The following TCF7L1 variants were observed in gnomAD, a reference collection of about 807,000 sequenced individuals.
The protein encoded by TCF7L1 is transcription factor 7 like 1, also known as transcription factor 7-like 1.
TCF7L1 carries 18 observed loss-of-function variants against 63.7 expected under a neutral mutation model. The ratio of observed to expected loss-of-function variants is 0.28; its 90% CI spans 0.20 to 0.42. The LOEUF is 0.42. Among genes scored for constraint, TCF7L1 ranks in the 10% least tolerant of loss-of-function variants. The probability of loss-of-function intolerance (pLI) is 1.00; values close to 1 mark genes in which losing one functional copy is unlikely to be tolerated. For synonymous variants in TCF7L1, 355 were observed against 340.9 expected (o/e 1.04, Z -0.46); for missense variants, 654 against 779.3 (o/e 0.84, Z 1.91).
intron 3 of TCF7L1, among the ~76,000 whole-genome samples, chr2:85,218,444 T>C (rs1464775386): frequency 6.6e-6 from 1 of 151,928 alleles, no homozygotes; most frequent in East Asian, 1.9e-4. Flanking sequence ...TTTGAAGAGA[T>C]GGGGTTTCAC....
At chr2:85,299,192 A>T (rs1681903656) in intron 4 of TCF7L1, among the ~76,000 whole-genome samples, 1 of 151,938 alleles carries the variant, frequency 6.6e-6, no homozygotes, top group Non-Finnish European at 1.5e-5. Context: ...AGCAATCAGG[A>T]TTTGCTAATA....
At chr2:85,299,050 C>T in intron 4 of TCF7L1, among the ~76,000 whole-genome samples, 1 of 142,026 alleles carries the variant, frequency 7.0e-6, no homozygotes, top group Non-Finnish European at 1.6e-5. Context: ...TAGGTTGGTG[C>T]AAAAGTAATT....
At chr2:85,205,814 C>T (rs573177750) in intron 3 of TCF7L1, among the ~76,000 whole-genome samples, 3 of 152,326 alleles carry the variant, frequency 2.0e-5, no homozygotes, top group African/African-American at 7.2e-5. Flanking sequence ...AGCCGCTGCA[C>T]CCAGCCTCCA....
intron 3 of TCF7L1, among the ~76,000 whole-genome samples, chr2:85,254,722 G>A (rs559506697): frequency 1.3e-5 from 2 of 152,170 alleles, no homozygotes; most frequent in South Asian, 2.1e-4. Context: ...AAATAGCCTC[G>A]CCAATCTGCA....
chr2:85,217,466 A>C (rs1025334093), intron 3 of TCF7L1, among the ~76,000 whole-genome samples: 2 of 152,232 alleles, frequency 1.3e-5, no homozygotes, highest in African/African-American at 4.8e-5. Flanking sequence ...CTCATGTCGC[A>C]GCATAGGGTG....
rs1211524659 is a variant in TCF7L1 at position 85,133,505 on chromosome 2, G to A, written c.-180G>A. 6.6e-6 allele frequency: 1 copy of A among 152,054 alleles called. No individual in the cohort carries two copies. The highest frequency in any genetic ancestry group is 6.7e-5 in the Admixed American group (1 of 15,026). 9.4% of individuals were successfully genotyped at this position (152,054 alleles called of 1,614,324 possible). On this transcript the variant is annotated 5_prime_UTR_variant, in exon 1 of 12. Transcript: ENST00000282111. The surrounding 1 kb of genome is among the most constrained non-coding windows in gnomAD (Gnocchi z 4.4). Reference sequence around the variant, plus strand: ...CTGCCGGAGGGGCCCGAGCCGAGCCGCCTGCGCCCCGGCCGGGCAGCGCCG... The same window carrying A: ...CTGCCGGAGGGGCCCGAGCCGAGCCACCTGCGCCCCGGCCGGGCAGCGCCG...
intron 3 of TCF7L1, among the ~76,000 whole-genome samples, chr2:85,258,792 G>A (rs11674662): frequency 0.42 from 63,452 of 152,074 alleles, 14,166 homozygotes; most frequent in Non-Finnish European, 0.52. Context: ...CCCAGTGGGT[G>A]ACCATCACTG....
rs528956958 is a variant in TCF7L1 at position 85,250,524 on chromosome 2, C to T, written c.442-32971C>T. Among the ~76,000 whole-genome samples the T allele has an allele frequency of 1.5e-3, 228 of 152,218 alleles. 1 individual carries two copies. Among genetic ancestry groups the T allele is most frequent in the Middle Eastern group, 0.01 (3 of 294 alleles). On this transcript the variant is annotated intron_variant, in intron 3 of 11. Transcript: ENST00000282111. Reference sequence around the variant, plus strand: ...CTATCTCGGCTCACTGCAACCTCCACCTCCCGGGTTCAAGCGATTCTCGTG... The same window carrying T: ...CTATCTCGGCTCACTGCAACCTCCATCTCCCGGGTTCAAGCGATTCTCGTG...
chr2:85,160,183 C>G (rs1047353161), intron 3 of TCF7L1, among the ~76,000 whole-genome samples: 1 of 152,158 alleles, frequency 6.6e-6, no homozygotes, highest in Non-Finnish European at 1.5e-5. Context: ...CCTGTGCCAC[C>G]CCTTTGTAGT....
chr2:85,279,676 A>C (rs576177396), intron 3 of TCF7L1, among the ~76,000 whole-genome samples: 3 of 152,210 alleles, frequency 2.0e-5, no homozygotes, highest in East Asian at 1.9e-4. Context: ...CCCGTCACTC[A>C]TCTCCAAAAC....
chr2:85,198,141 T>A (rs1331979106), intron 3 of TCF7L1, among the ~76,000 whole-genome samples: 1 of 152,214 alleles, frequency 6.6e-6, no homozygotes, highest in Non-Finnish European at 1.5e-5. Flanking sequence ...CCAACAACCT[T>A]CAGTTACAGT....
intron 3 of TCF7L1, among the ~76,000 whole-genome samples, chr2:85,210,381 G>A (rs1412605685): frequency 6.6e-6 from 1 of 152,238 alleles, no homozygotes; most frequent in African/African-American, 2.4e-5. Flanking sequence ...TAGTGCCATA[G>A]GGTTGGTGCT....
chr2:85,249,894 A>C lies in TCF7L1; in HGVS notation c.442-33601A>C, dbSNP rs887798150. ...TTTCCTCATCTGTGAAAAGGTGATA[A>C]CATTATTTCTTTATCCCACTATGTT... On this transcript the variant is annotated intron_variant, in intron 3 of 11. Transcript: ENST00000282111. Among the ~76,000 whole-genome samples the C allele has an allele frequency of 2.0e-5, 3 of 152,208 alleles. No homozygotes were observed. In the East Asian group the frequency reaches 5.8e-4, roughly 29 times the overall value.
chr2:85,262,613 T>G (rs1243166074), intron 3 of TCF7L1, among the ~76,000 whole-genome samples: 1 of 152,190 alleles, frequency 6.6e-6, no homozygotes, highest in Non-Finnish European at 1.5e-5. Context: ...AGACTTTTTT[T>G]AAAGATGTTG....
At chr2:85,286,284 G>C (rs1681547750) in intron 4 of TCF7L1, among the ~76,000 whole-genome samples, 1 of 151,992 alleles carries the variant, frequency 6.6e-6, no homozygotes, top group South Asian at 2.1e-4. Flanking sequence ...GAACCCAGGA[G>C]GTGGAAGTTG....
At chr2:85,304,452 C>G in intron 7 of TCF7L1, 114 bp downstream of exon 7, 3 of 1,079,312 alleles carry the variant, frequency 2.8e-6, no homozygotes, top group East Asian at 2.6e-5. Context: ...TCACCCTCCC[C>G]CCACCTCTCT....
At chr2:85,294,583 A>G (rs1376898256) in intron 4 of TCF7L1, among the ~76,000 whole-genome samples, 2 of 152,208 alleles carry the variant, frequency 1.3e-5, no homozygotes, top group Non-Finnish European at 2.9e-5. Context: ...TCTCAGAAGC[A>G]AACTGGAGAG....
chr2:85,162,918 C>A (rs55801685), intron 3 of TCF7L1, among the ~76,000 whole-genome samples: 18,173 of 152,102 alleles, frequency 0.12, 1,450 homozygotes, highest in African/African-American at 0.23. Context: ...GCTGTTCATC[C>A]GAATTACTCA....
intron 3 of TCF7L1, among the ~76,000 whole-genome samples, chr2:85,141,238 A>C (rs1677730331): frequency 6.6e-6 from 1 of 152,136 alleles, no homozygotes; most frequent in African/African-American, 2.4e-5. Flanking sequence ...CCCTGTCTCT[A>C]AGAAATAAAT....
Sources: allele counts gnomAD v4.1 joint callset (sites outside exome capture counted in the v4.1 genomes callset), GRCh38; gene constraint gnomAD v4.1.1; non-coding constraint Gnocchi (gnomAD v3.1); transcripts MANE v1.5; gene names NCBI Gene and HGNC (gene_info 2026-07-23, HGNC 2026-07-21).